ZNF215: variants seen among roughly 807,000 people sequenced by gnomAD.
The protein encoded by ZNF215 is BWSCR2-associated zinc finger protein 2.
In ZNF215, 24 loss-of-function variants were observed where a neutral mutation model predicts 27.2. That is an observed-to-expected ratio of 0.88 (90% CI 0.64 to 1.24). The LOEUF is 1.24. ZNF215 is among the 50% of genes most tolerant of loss of function. ZNF215 has a pLI of 0.00. For synonymous variants in ZNF215, 210 were observed against 204.0 expected (o/e 1.03, Z -0.25); for missense variants, 675 against 605.7 (o/e 1.11, Z -1.20).
chr11:6,942,710 T>C (rs938722850), intron 4 of ZNF215, among the ~76,000 whole-genome samples: 5 of 152,194 alleles, frequency 3.3e-5, no homozygotes, highest in African/African-American at 1.2e-4. Flanking sequence ...CAAATCTCTC[T>C]TAGAACTACC....
chr11:6,975,037 A>C (rs539648658), intron 5 of ZNF215, among the ~76,000 whole-genome samples: 445 of 152,198 alleles, frequency 2.9e-3, no homozygotes, highest in Non-Finnish European at 4.8e-3. Context: ...GTTTGTCATA[A>C]ATAGCTCTTA....
intron 3 of ZNF215, among the ~76,000 whole-genome samples, chr11:6,937,218 CAA>C (rs1299798650): frequency 6.6e-6 from 1 of 151,928 alleles, no homozygotes; most frequent in Non-Finnish European, 1.5e-5. Flanking sequence ...CTAATAAACT[CAA>C]AGTTGCAGGA....
chr11:6,946,182 C>G (rs947050185), intron 6 of ZNF215, among the ~76,000 whole-genome samples: 1 of 152,172 alleles, frequency 6.6e-6, no homozygotes, highest in Non-Finnish European at 1.5e-5. Context: ...CATCTCTCAC[C>G]TGAACCACCA....
chr11:6,927,152 G>T (rs1849081778), intron 1 of ZNF215, among the ~76,000 whole-genome samples: 1 of 151,938 alleles, frequency 6.6e-6, no homozygotes, highest in Non-Finnish European at 1.5e-5. Flanking sequence ...AAGCGTGACT[G>T]GATCAATCAA....
rs556306491 is a variant in ZNF215 at position 6,949,702 on chromosome 11, A to G, written c.713-5988A>G. Among the ~76,000 whole-genome samples the G allele has an allele frequency of 7.6e-4, 116 of 152,194 alleles. 1 individual carries two copies. The highest frequency in any genetic ancestry group is 2.7e-3 in the African/African-American group (111 of 41,518). On this transcript the variant is annotated intron_variant, in intron 6 of 6. Transcript: ENST00000278319. ...TGGGTTGCCTGTTCACTCTGATGGT[A>G]GTTTCTTTTGCTGTGCAGAAGCTCT...
intron 6 of ZNF215, among the ~76,000 whole-genome samples, chr11:6,949,346 C>G (rs1564957523): frequency 6.6e-6 from 1 of 152,156 alleles, no homozygotes; most frequent in Non-Finnish European, 1.5e-5. Flanking sequence ...AATGGTTGAA[C>G]TAGTTTACAG....
At chr11:6,955,479 C>T (rs192438061) in intron 6 of ZNF215, among the ~76,000 whole-genome samples, 1 of 152,170 alleles carries the variant, frequency 6.6e-6, no homozygotes, top group East Asian at 1.9e-4. Flanking sequence ...TTTTAGTATT[C>T]CAGAATAGCT....
intron 3 of ZNF215, among the ~76,000 whole-genome samples, chr11:6,935,650 A>C (rs1444855762): frequency 1.3e-5 from 2 of 152,148 alleles, no homozygotes; most frequent in Non-Finnish European, 2.9e-5. Context: ...TAACAGAAAT[A>C]CTAGAAAAAA....
At chr11:6,943,504 T>C (rs775157841) in intron 5 of ZNF215, 42 bp from the exon 6 acceptor site, 6 of 1,530,346 alleles carry the variant, frequency 3.9e-6, no homozygotes, top group East Asian at 4.5e-5. Flanking sequence ...AAGTGTCATA[T>C]ATGTTTGTTG....
intron 6 of ZNF215, among the ~76,000 whole-genome samples, chr11:6,944,706 T>A (rs2857886): frequency 0.19 from 28,246 of 152,174 alleles, 2,751 homozygotes; most frequent in Middle Eastern, 0.22. Context: ...TAACATTTTT[T>A]AAGCCATTTT....
chr11:6,940,708 G>A (rs1035309289), intron 3 of ZNF215, among the ~76,000 whole-genome samples: 1 of 152,148 alleles, frequency 6.6e-6, no homozygotes, highest in East Asian at 1.9e-4. Context: ...TAACTGCATG[G>A]TTTTAAGATT....
At chr11:6,972,175 A>G (rs1469723453) in intron 5 of ZNF215, among the ~76,000 whole-genome samples, 1 of 152,128 alleles carries the variant, frequency 6.6e-6, no homozygotes, top group East Asian at 1.9e-4. Context: ...ACCAGGCATC[A>G]GTAACCTTTT....
downstream of ZNF215, among the ~76,000 whole-genome samples, chr11:6,958,495 AG>A (rs1850449672): frequency 6.6e-6 from 1 of 152,242 alleles, no homozygotes; most frequent in African/African-American, 2.4e-5. Flanking sequence ...GTGCATTTAA[AG>A]CTCTTGCAGA....
intron 5 of ZNF215, among the ~76,000 whole-genome samples, chr11:6,980,766 C>G (rs1354435405): frequency 8.4e-6 from 1 of 118,474 alleles, no homozygotes; most frequent in Non-Finnish European, 1.7e-5. Flanking sequence ...CCCCTCCCCC[C>G]ACCCCACAAC....
At chr11:6,988,247 G>T (rs1274035678), downstream of ZNF215, 1 of 985,472 alleles carries the variant, frequency 1.0e-6, no homozygotes, top group Non-Finnish European at 1.2e-6. Flanking sequence ...AGAATGAGGG[G>T]CACTAAGCAC....
At chr11:6,990,210 G>T (rs551234181), downstream of ZNF215, among the ~76,000 whole-genome samples, 1 of 152,238 alleles carries the variant, frequency 6.6e-6, no homozygotes, top group South Asian at 2.1e-4. Context: ...GTATCAGGCA[G>T]CAAGCCCATG....
chr11:6,977,852 C>G (rs890142661), intron 5 of ZNF215, among the ~76,000 whole-genome samples: 4 of 152,010 alleles, frequency 2.6e-5, no homozygotes, highest in Non-Finnish European at 5.9e-5. Flanking sequence ...CCCTAATGAC[C>G]TAATCACTCA....
chr11:6,978,369 GA>G (rs1850877098), intron 5 of ZNF215, among the ~76,000 whole-genome samples: 1 of 152,100 alleles, frequency 6.6e-6, no homozygotes, highest in Middle Eastern at 3.4e-3. Flanking sequence ...TCTATGGTGG[GA>G]AACATTTAGA....
At chr11:6,978,454 C>A (rs906099991) in intron 5 of ZNF215, among the ~76,000 whole-genome samples, 2 of 151,974 alleles carry the variant, frequency 1.3e-5, no homozygotes, top group African/African-American at 4.8e-5. Flanking sequence ...AGTGAATATA[C>A]ATTTAGGAGC....
Sources: gnomAD v4.1 joint callset for allele counts (sites outside exome capture counted in the v4.1 genomes callset) on GRCh38, gnomAD v4.1.1 for gene constraint, MANE v1.5 for transcripts, NCBI Gene and HGNC (gene_info 2026-07-23, HGNC 2026-07-21) for gene names.